The following UHRF2 variants were observed in gnomAD, a reference collection of about 807,000 sequenced individuals.
The protein encoded by UHRF2 is E3 ubiquitin-protein ligase UHRF2.
Under a neutral mutation model 96.8 loss-of-function variants are expected in UHRF2, and 23 were observed. The ratio of observed to expected loss-of-function variants is 0.24; its 90% CI spans 0.17 to 0.34. The LOEUF is 0.34. UHRF2 is among the 10% of genes least tolerant of loss of function. UHRF2 has a pLI of 1.00. For missense variants in UHRF2, 685 were observed against 981.5 expected, an observed-to-expected ratio of 0.70 and a Z score of 4.04; for synonymous variants, 385 against 332.6, an observed-to-expected ratio of 1.16 and a Z score of -1.72.
At chr9:6,419,239 A>G (rs889550887) in intron 1 of UHRF2, among the ~76,000 whole-genome samples, 1 of 152,180 alleles carries the variant, frequency 6.6e-6, no homozygotes, top group Non-Finnish European at 1.5e-5. Context: ...TTTTCTGATT[A>G]CCTCTTTAAA....
intron 10 of UHRF2, chr9:6,496,413 G>A (rs1241528693): frequency 6.6e-6 from 1 of 152,196 alleles, no homozygotes; most frequent in Non-Finnish European, 1.5e-5. Context: ...TCTCCCAAGA[G>A]TAAGGTCTTC....
chr9:6,447,285 T>A (rs1397304427), intron 3 of UHRF2, among the ~76,000 whole-genome samples: 1 of 152,234 alleles, frequency 6.6e-6, no homozygotes, highest in Non-Finnish European at 1.5e-5. Context: ...TAAGACCTTT[T>A]TATATAAAAG....
At chr9:6,467,595 G>GTTT (rs34366483) in intron 4 of UHRF2, among the ~76,000 whole-genome samples, 1,221 of 99,012 alleles carry the variant, frequency 0.012, 11 homozygotes, top group African/African-American at 0.032. Flanking sequence ...CGAGAGAATA[G>GTTT]TTTTTTTTTT....
chr9:6,462,550 T>C (rs1211765746), intron 4 of UHRF2, among the ~76,000 whole-genome samples: 1 of 152,118 alleles, frequency 6.6e-6, no homozygotes, highest in African/African-American at 2.4e-5. Context: ...TACTTGAGTG[T>C]TGGAAGTAGA....
chr9:6,482,532 A>G (rs1440434712), intron 8 of UHRF2, among the ~76,000 whole-genome samples: 1 of 152,130 alleles, frequency 6.6e-6, no homozygotes, highest in East Asian at 1.9e-4. Context: ...AGCTAATCCA[A>G]GAATAAAATA....
chr9:6,425,158 C>T (rs139211049), intron 2 of UHRF2, among the ~76,000 whole-genome samples: 3 of 152,312 alleles, frequency 2.0e-5, no homozygotes, highest in Non-Finnish European at 4.4e-5. Flanking sequence ...ATGTACTTCA[C>T]TGCCTTGAGG....
intron 4 of UHRF2, among the ~76,000 whole-genome samples, chr9:6,463,212 C>G (rs1453140462): frequency 6.6e-6 from 1 of 151,822 alleles, no homozygotes; most frequent in East Asian, 1.9e-4. Flanking sequence ...ACCTGGGAGG[C>G]GCAGATTGCC....
chr9:6,499,764 C>A, intron 12 of UHRF2, 71 bp from the exon 13 acceptor site: 2 of 990,810 alleles, frequency 2.0e-6, no homozygotes, highest in Non-Finnish European at 2.9e-6. Context: ...TAATTTCTCA[C>A]CAGGATCTAA....
At chr9:6,446,133 C>G (rs574045296) in intron 3 of UHRF2, among the ~76,000 whole-genome samples, 1 of 150,016 alleles carries the variant, frequency 6.7e-6, no homozygotes, top group Non-Finnish European at 1.5e-5. Flanking sequence ...ACTAGGACTA[C>G]AGGCATACGT....
chr9:6,461,437 A>G (rs991943720), intron 4 of UHRF2, among the ~76,000 whole-genome samples: 3 of 134,064 alleles, frequency 2.2e-5, no homozygotes, highest in Admixed American at 8.4e-5. Flanking sequence ...CAGCGGCATG[A>G]TCTTGGCTCA....
rs554265852 is a variant in UHRF2 at position 6,420,012 on chromosome 9, A to G, written c.154-900A>G. ...GATCCTCCCACCTTGACTTCCCAAA[A>G]TGTTGGGATTACAGATGTGAGGCCC... On this transcript the variant is annotated intron_variant, in intron 1 of 15. Transcript: ENST00000276893. 3.1e-4 allele frequency among the ~76,000 whole-genome samples: 47 copies of G among 151,084 alleles called. 1 individual carries two copies. The South Asian group carries it at 9.6e-3, about 31-fold the overall frequency.
In UHRF2 at chr9:6,435,643, G is replaced by A. The variant is rs550102040; in HGVS notation, c.644+1470G>A. The stretch of plus-strand genomic sequence containing the variant: ...TTATTTAGAGACAGAGTCTTGCTCT[G>A]TCACCCAGGCTGGAGTTCAGTGGTG... On this transcript the variant is annotated intron_variant, in intron 3 of 15. Transcript: ENST00000276893. Among the ~76,000 whole-genome samples the A allele has an allele frequency of 2.0e-5, 3 of 152,190 alleles. No individual in the cohort carries two copies. The East Asian group carries it at 5.8e-4, about 29-fold the overall frequency.
At chr9:6,486,561 A>T (rs1824301700) in intron 8 of UHRF2, among the ~76,000 whole-genome samples, 1 of 152,228 alleles carries the variant, frequency 6.6e-6, no homozygotes, top group Non-Finnish European at 1.5e-5. Flanking sequence ...TCAGAATTCT[A>T]CGCAATCAGT....
At chr9:6,441,629 T>C (rs1301037534) in intron 3 of UHRF2, among the ~76,000 whole-genome samples, 1 of 152,158 alleles carries the variant, frequency 6.6e-6, no homozygotes, top group Non-Finnish European at 1.5e-5. Flanking sequence ...GGAGTTGATA[T>C]ATGACAGTTT....
intron 9 of UHRF2, among the ~76,000 whole-genome samples, chr9:6,491,385 C>T (rs1477714461): frequency 6.6e-6 from 1 of 152,214 alleles, no homozygotes; most frequent in Non-Finnish European, 1.5e-5. Context: ...AAATGCTTCT[C>T]CTAACACCAC....
chr9:6,443,812 A>G (rs1210442399), intron 3 of UHRF2, among the ~76,000 whole-genome samples: 1 of 152,252 alleles, frequency 6.6e-6, no homozygotes, highest in Admixed American at 6.5e-5. Context: ...TGGGTAACTT[A>G]GGCTAGGCTA....
At chr9:6,444,215 G>C (rs1821354958) in intron 3 of UHRF2, among the ~76,000 whole-genome samples, 1 of 152,176 alleles carries the variant, frequency 6.6e-6, no homozygotes, top group Non-Finnish European at 1.5e-5. Flanking sequence ...TCAGAACCCT[G>C]GTAAAATAAC....
chr9:6,471,079 A>G (rs765860381), intron 4 of UHRF2, among the ~76,000 whole-genome samples: 3 of 152,238 alleles, frequency 2.0e-5, no homozygotes, highest in Admixed American at 6.5e-5. Flanking sequence ...GATTGTAAGA[A>G]GATGACAACA....
intron 10 of UHRF2, chr9:6,495,143 T>C (rs1824888633): frequency 6.6e-6 from 1 of 152,210 alleles, no homozygotes; most frequent in African/African-American, 2.4e-5. Flanking sequence ...AATCGATAAT[T>C]TTGCTTGAAA....
Sources: gnomAD v4.1 joint callset for allele counts (sites outside exome capture counted in the v4.1 genomes callset) on GRCh38, gnomAD v4.1.1 for gene constraint, MANE v1.5 for transcripts, NCBI Gene and HGNC (gene_info 2026-07-23, HGNC 2026-07-21) for gene names.